The following TSHZ3 variants were observed in gnomAD, a reference collection of about 807,000 sequenced individuals.
TSHZ3 encodes the protein teashirt zinc finger homeobox 3, also known as teashirt homolog 3.
In TSHZ3, 10 loss-of-function variants were observed where a neutral mutation model predicts 64.5. That is an observed-to-expected ratio of 0.16 (90% CI 0.10 to 0.26). The LOEUF (loss-of-function observed/expected upper bound fraction) is 0.26. TSHZ3 is among the 10% of genes least tolerant of loss of function. The probability of loss-of-function intolerance (pLI) is 1.00; values close to 1 mark genes in which losing one functional copy is unlikely to be tolerated. For missense variants in TSHZ3, 1,242 were observed against 1,421.7 expected (o/e 0.87, Z 2.03); for synonymous variants, 608 against 593.1 (o/e 1.03, Z -0.36).
At chr19:31,186,763 A>T (rs1974816047) in intron 5 of TSHZ3, among the ~76,000 whole-genome samples, 1 of 152,136 alleles carries the variant, frequency 6.6e-6, no homozygotes, top group Admixed American at 6.5e-5. Context: ...TATTTCAGTG[A>T]TTCTGTATAG....
At chr19:31,163,230 G>C (rs1974392702) in intron 5 of TSHZ3, among the ~76,000 whole-genome samples, 1 of 152,148 alleles carries the variant, frequency 6.6e-6, no homozygotes. Flanking sequence ...TAGATGGGTG[G>C]GAGGGTAGAT....
At chr19:31,329,434 G>C (rs1452962232) in intron 1 of TSHZ3, among the ~76,000 whole-genome samples, 1 of 152,198 alleles carries the variant, frequency 6.6e-6, no homozygotes, top group Non-Finnish European at 1.5e-5. Flanking sequence ...GGTCAGCCCT[G>C]GCAATGGGCA....
chr19:31,322,499 T>A (rs918595428), intron 1 of TSHZ3, among the ~76,000 whole-genome samples: 18 of 152,252 alleles, frequency 1.2e-4, no homozygotes, highest in African/African-American at 4.1e-4. Flanking sequence ...TAGCTTACTA[T>A]AGGCATGAAC....
At chr19:31,344,917 T>C (rs539110349) in intron 1 of TSHZ3, among the ~76,000 whole-genome samples, 1 of 152,332 alleles carries the variant, frequency 6.6e-6, no homozygotes, top group South Asian at 2.1e-4. Flanking sequence ...AGTTATTGAC[T>C]ATCTGGCTCC....
chr19:31,155,201 C>T (rs183459352), intron 6 of TSHZ3, among the ~76,000 whole-genome samples: 1 of 152,320 alleles, frequency 6.6e-6, no homozygotes, highest in Non-Finnish European at 1.5e-5. Flanking sequence ...CTCATCTAGA[C>T]GTGATCCCAT....
chr19:31,184,414 G>A lies in TSHZ3; in HGVS notation n.809+20542C>T, dbSNP rs374195175. Among the ~76,000 whole-genome samples, 16 of 152,174 alleles carry A rather than the reference G, an allele frequency of 1.1e-4. No individual in the cohort carries two copies. The East Asian group carries it at 2.7e-3, about 26-fold the overall frequency. ...TATTAAATGTGTGTGAAACATTTAT[G>A]GAGAGAGGCATTTCTTTGCACTGTT... On this transcript the variant is annotated intron_variant and non_coding_transcript_variant, in intron 5 of 6. Transcript: ENST00000651361.
downstream of TSHZ3, among the ~76,000 whole-genome samples, chr19:31,270,939 T>C (rs1976126347): frequency 6.6e-6 from 1 of 152,222 alleles, no homozygotes; most frequent in Non-Finnish European, 1.5e-5. Context: ...AAAAGCAGTG[T>C]CTCTGATCTG....
rs549889962 is a variant in TSHZ3 at position 31,257,668 on chromosome 19, G to A, written n.64-14793C>T. Among the ~76,000 whole-genome samples, 15 of 142,388 alleles carry A rather than the reference G, an allele frequency of 1.1e-4. No individual in the cohort carries two copies. In the South Asian group the frequency reaches 1.8e-3, roughly 17 times the overall value. 93.4% of individuals were successfully genotyped at this position (142,388 alleles called of 152,430 possible). On this transcript the variant is annotated intron_variant and non_coding_transcript_variant, in intron 1 of 6. Transcript: ENST00000651361. ...GATTGCCTGGCAGCACAGATTGGCC[G>A]GCTGCACGGGACTATGCTGCAGTCT...
At chr19:31,173,473 T>C (rs1974564538) in intron 5 of TSHZ3, among the ~76,000 whole-genome samples, 1 of 152,216 alleles carries the variant, frequency 6.6e-6, no homozygotes. Flanking sequence ...ACATTAAGAA[T>C]ATGTCATCTA....
intron 4 of TSHZ3, among the ~76,000 whole-genome samples, chr19:31,219,543 C>T (rs1307953407): frequency 6.6e-6 from 1 of 152,082 alleles, no homozygotes; most frequent in African/African-American, 2.4e-5. Flanking sequence ...TCTATATTTC[C>T]TTGTCCAATA....
chr19:31,276,829 A>T lies in TSHZ3; in HGVS notation c.2964T>A (p.Pro988=). 1 of 1,614,212 alleles carries T rather than the reference A, an allele frequency of 6.2e-7. No individual in the cohort carries two copies. Among genetic ancestry groups the T allele is most frequent in the East Asian group, 2.2e-5 (1 of 44,880 alleles). ...ACTCTAGGTGACTGATGTACGTGGA[A>T]GGAGTCCTGATTTGGGACGCACAAT... ...CNDCASQIRT[P]STYISHLESH... Residue 988 remains proline (P), a synonymous_variant, in exon 2 of 2, where the codon CCT becomes CCA. Transcript: ENST00000240587.
chr19:31,303,778 C>T (rs537986674), intron 1 of TSHZ3, among the ~76,000 whole-genome samples: 2 of 152,178 alleles, frequency 1.3e-5, no homozygotes, highest in South Asian at 2.1e-4. Context: ...GATGAGCCAT[C>T]GGCTGGTGCC....
Position 31,269,642 on chromosome 19 carries a change from C to T in TSHZ3, n.64-26767G>A, listed in dbSNP as rs143533939. ...TCATTTCACTTGGCCTGGGAGATCT[C>T]TAACTCACAATTATGACGGTCATAA... On this transcript the variant is annotated intron_variant and non_coding_transcript_variant, in intron 1 of 6. Transcript: ENST00000651361. Among the ~76,000 whole-genome samples the T allele has an allele frequency of 3.1e-3, 474 of 152,292 alleles. 4 individuals carry two copies. Among genetic ancestry groups the T allele is most frequent in the African/African-American group, 0.01 (426 of 41,560 alleles).
At chr19:31,185,738 C>G (rs1974797296) in intron 5 of TSHZ3, among the ~76,000 whole-genome samples, 1 of 152,164 alleles carries the variant, frequency 6.6e-6, no homozygotes, top group South Asian at 2.1e-4. Flanking sequence ...TTGGCACATG[C>G]ACAGCCACGT....
intron 1 of TSHZ3, among the ~76,000 whole-genome samples, chr19:31,300,636 G>A (rs528014314): frequency 1.3e-4 from 20 of 152,260 alleles, no homozygotes; most frequent in East Asian, 3.9e-4. Flanking sequence ...GTCCCACAGC[G>A]TGCATGGAGC....
chr19:31,160,810 G>A (rs1974366329), intron 5 of TSHZ3, among the ~76,000 whole-genome samples: 1 of 151,404 alleles, frequency 6.6e-6, no homozygotes, highest in Non-Finnish European at 1.5e-5. Context: ...ACACACACAT[G>A]CATATACACA....
chr19:31,247,551 G>C (rs929795093), intron 1 of TSHZ3, among the ~76,000 whole-genome samples: 6 of 152,108 alleles, frequency 3.9e-5, no homozygotes, highest in Non-Finnish European at 8.8e-5. Flanking sequence ...GGAAGATAAA[G>C]GCATAAAAGG....
At chr19:31,292,738 CCA>C (rs1287265648) in intron 1 of TSHZ3, among the ~76,000 whole-genome samples, 5 of 43,944 alleles carry the variant, frequency 1.1e-4, no homozygotes, top group African/African-American at 7.0e-4. Flanking sequence ...ACCCATCCAT[CCA>C]TCCATCCATC....
exon 7 of TSHZ3, among the ~76,000 whole-genome samples, chr19:31,151,170 C>T (rs1427309985): frequency 6.6e-6 from 1 of 152,160 alleles, no homozygotes; most frequent in Non-Finnish European, 1.5e-5. Flanking sequence ...GCGGACAGGG[C>T]CTGCTTGGAG....
Sources: gnomAD v4.1 joint callset for allele counts (sites outside exome capture counted in the v4.1 genomes callset) on GRCh38, gnomAD v4.1.1 for gene constraint, MANE v1.5 for transcripts, NCBI Gene and HGNC (gene_info 2026-07-23, HGNC 2026-07-21) for gene names.